The following CFAP95 variants were observed in gnomAD, a reference collection of about 807,000 sequenced individuals.
The protein encoded by CFAP95 is cilia and flagella associated protein 95.
At chr9:69,827,895 C>T in the CFAP95 span, among the ~76,000 whole-genome samples, 1 of 152,204 alleles carries the variant, frequency 6.6e-6, no homozygotes, top group Non-Finnish European at 1.5e-5. Flanking sequence ...ATACTCTACT[C>T]AGCTTCCCTC....
the CFAP95 span, among the ~76,000 whole-genome samples, chr9:69,855,229 C>T: frequency 6.6e-6 from 1 of 152,188 alleles, no homozygotes; most frequent in Non-Finnish European, 1.5e-5. Flanking sequence ...TTTCCTTTTA[C>T]TCCTCTATTT....
At chr9:69,830,579 T>A in the CFAP95 span, among the ~76,000 whole-genome samples, 40 of 152,308 alleles carry the variant, frequency 2.6e-4, no homozygotes, top group African/African-American at 8.7e-4. Context: ...AAAACAGAAA[T>A]CTTGTGTAGA....
the CFAP95 span, among the ~76,000 whole-genome samples, chr9:69,854,899 A>G: frequency 6.6e-6 from 1 of 152,160 alleles, no homozygotes; most frequent in Non-Finnish European, 1.5e-5. Context: ...CTATCAGGTG[A>G]CCCTCACTAG....
At chr9:69,847,786 C>A in the CFAP95 span, among the ~76,000 whole-genome samples, 15 of 152,284 alleles carry the variant, frequency 9.9e-5, no homozygotes, top group African/African-American at 3.6e-4. Flanking sequence ...ACCGCACTTT[C>A]ATTTAGCTGA....
chr9:69,856,384 T>C, the CFAP95 span, among the ~76,000 whole-genome samples: 1 of 152,256 alleles, frequency 6.6e-6, no homozygotes, highest in Non-Finnish European at 1.5e-5. Context: ...GTAATTGCTA[T>C]TTTTACATAT....
chr9:69,864,611 C>A, the CFAP95 span, among the ~76,000 whole-genome samples: 2 of 152,132 alleles, frequency 1.3e-5, no homozygotes, highest in African/African-American at 4.8e-5. Context: ...AAAAGTAGTT[C>A]AGGCAGTTAA....
At chr9:69,826,040 A>G in the CFAP95 span, among the ~76,000 whole-genome samples, 1 of 152,332 alleles carries the variant, frequency 6.6e-6, no homozygotes, top group Admixed American at 6.5e-5. Context: ...ATAAACAGAA[A>G]AAAAGGGAAG....
the CFAP95 span, chr9:69,886,852 C>G: frequency 6.2e-7 from 1 of 1,612,792 alleles, no homozygotes; most frequent in Non-Finnish European, 8.5e-7. Context: ...GCATTGACAA[C>G]GTACTCAGAA....
At chr9:69,832,387 G>T in the CFAP95 span, among the ~76,000 whole-genome samples, 1 of 152,056 alleles carries the variant, frequency 6.6e-6, no homozygotes, top group Non-Finnish European at 1.5e-5. Context: ...CTATTGTTTG[G>T]TTTCCACATA....
chr9:69,903,149 G>A, the CFAP95 span, among the ~76,000 whole-genome samples: 2 of 152,170 alleles, frequency 1.3e-5, no homozygotes, highest in Non-Finnish European at 2.9e-5. Flanking sequence ...CTTTTATGGT[G>A]TTGGTGTCAT....
At chr9:69,843,374 T>C in the CFAP95 span, among the ~76,000 whole-genome samples, 7 of 151,592 alleles carry the variant, frequency 4.6e-5, no homozygotes, top group Admixed American at 4.6e-4. Context: ...TAAAAATAGC[T>C]ACTTCAGTTG....
At chr9:69,903,760 T>C in the CFAP95 span, among the ~76,000 whole-genome samples, 4 of 152,196 alleles carry the variant, frequency 2.6e-5, no homozygotes, top group African/African-American at 7.2e-5. Context: ...AGGGTCTTGC[T>C]CTGTTGCCCA....
At chr9:69,896,142 T>C in the CFAP95 span, among the ~76,000 whole-genome samples, 2 of 152,228 alleles carry the variant, frequency 1.3e-5, no homozygotes, top group Non-Finnish European at 2.9e-5. Context: ...CAAATTGATA[T>C]ACAGTCCATT....
the CFAP95 span, among the ~76,000 whole-genome samples, chr9:69,890,549 C>T: frequency 6.6e-6 from 1 of 152,188 alleles, no homozygotes; most frequent in South Asian, 2.1e-4. Flanking sequence ...GAACTCTTAA[C>T]AGATGTTGTC....
chr9:69,868,025 A>G, the CFAP95 span, among the ~76,000 whole-genome samples: 2 of 152,198 alleles, frequency 1.3e-5, no homozygotes, highest in African/African-American at 4.8e-5. Context: ...AACAACCTTC[A>G]TATCTCTTAA....
chr9:69,831,771 G>A, the CFAP95 span, among the ~76,000 whole-genome samples: 2 of 152,164 alleles, frequency 1.3e-5, no homozygotes, highest in African/African-American at 2.4e-5. Flanking sequence ...CCAACCGAGA[G>A]CAGTACTACC....
chr9:69,851,570 A>C, the CFAP95 span, among the ~76,000 whole-genome samples: 2 of 152,142 alleles, frequency 1.3e-5, no homozygotes, highest in Admixed American at 1.3e-4. Flanking sequence ...GACAACTAGA[A>C]GAGCCTTTTG....
chr9:69,880,900 C>G, the CFAP95 span, among the ~76,000 whole-genome samples: 1 of 152,280 alleles, frequency 6.6e-6, no homozygotes, highest in South Asian at 2.1e-4. Context: ...TTGCATTTCT[C>G]TAATGATCAA....
the CFAP95 span, among the ~76,000 whole-genome samples, chr9:69,874,621 T>C: frequency 6.6e-6 from 1 of 152,238 alleles, no homozygotes; most frequent in East Asian, 1.9e-4. Flanking sequence ...ATTCTCTTCC[T>C]GTTGGCTTTA....
Sources: gnomAD v4.1 joint callset for allele counts (sites outside exome capture counted in the v4.1 genomes callset) on GRCh38, gnomAD v4.1.1 for gene constraint, MANE v1.5 for transcripts, NCBI Gene and HGNC (gene_info 2026-07-23, HGNC 2026-07-21) for gene names.